The following LRRC37A2 variants were observed in gnomAD, a reference collection of about 807,000 sequenced individuals.
LRRC37A2 encodes the protein leucine-rich repeat-containing protein 37A2.
Under a neutral mutation model 68.8 loss-of-function variants are expected in LRRC37A2, and 9 were observed. The ratio of observed to expected loss-of-function variants is 0.13; its 90% CI spans 0.08 to 0.23. LRRC37A2 has a LOEUF of 0.23. Ranked by LOEUF, LRRC37A2 falls within the 10% of genes least tolerant of loss-of-function variation. LRRC37A2 has a pLI of 1.00. For missense variants in LRRC37A2, 168 were observed against 950.4 expected (o/e 0.18, Z 10.82); for synonymous variants, 63 against 367.6 (o/e 0.17, Z 9.48).
chr17:47,028,938 G>C, the LRRC37A2 span, among the ~76,000 whole-genome samples: 1 of 151,258 alleles, frequency 6.6e-6, no homozygotes. Flanking sequence ...CAGCACCTTG[G>C]GAGGCCAAGG....
At chr17:47,009,215 T>C in the LRRC37A2 span, among the ~76,000 whole-genome samples, 1 of 152,180 alleles carries the variant, frequency 6.6e-6, no homozygotes, top group Non-Finnish European at 1.5e-5. Flanking sequence ...TTCATACACA[T>C]CTAAAAAATT....
At chr17:46,534,685 T>C (rs1427080819) in intron 6 of LRRC37A2, among the ~76,000 whole-genome samples, 2 of 149,912 alleles carry the variant, frequency 1.3e-5, no homozygotes, top group East Asian at 2.0e-4. Context: ...ATCGTCATCA[T>C]GGCCCGTTCT....
the LRRC37A2 span, chr17:46,923,707 C>G: frequency 1.8e-6 from 1 of 564,764 alleles, no homozygotes; most frequent in Non-Finnish European, 2.6e-6. Context: ...AAAGAAATTG[C>G]TGTCCACGTA....
At chr17:46,832,315 C>G in the LRRC37A2 span, among the ~76,000 whole-genome samples, 1 of 151,586 alleles carries the variant, frequency 6.6e-6, no homozygotes, top group African/African-American at 2.4e-5. Flanking sequence ...GGGAACTAGC[C>G]CCAGAAGGGC....
chr17:46,943,801 G>C, the LRRC37A2 span, among the ~76,000 whole-genome samples: 6 of 152,248 alleles, frequency 3.9e-5, no homozygotes, highest in Admixed American at 3.9e-4. Context: ...GGAGAGGCAT[G>C]GGGCCCCGTG....
the LRRC37A2 span, among the ~76,000 whole-genome samples, chr17:47,008,312 C>T: frequency 1.1e-4 from 17 of 151,500 alleles, no homozygotes; most frequent in Non-Finnish European, 2.2e-4. Context: ...GGGGTTTCAC[C>T]GTGTTAGCCA....
At chr17:47,009,878 C>T in the LRRC37A2 span, among the ~76,000 whole-genome samples, 1 of 152,212 alleles carries the variant, frequency 6.6e-6, no homozygotes, top group South Asian at 2.1e-4. Context: ...AATGTTTCCT[C>T]CCTTGCACCT....
chr17:46,752,015 A>C, the LRRC37A2 span, among the ~76,000 whole-genome samples: 1 of 152,202 alleles, frequency 6.6e-6, no homozygotes. Context: ...GTTGCACCTC[A>C]AGTCAGTAAG....
At chr17:47,010,117 G>T in the LRRC37A2 span, among the ~76,000 whole-genome samples, 2 of 152,184 alleles carry the variant, frequency 1.3e-5, no homozygotes, top group African/African-American at 4.8e-5. Context: ...TGAAGGAAGG[G>T]GAAGGGTGAG....
At chr17:46,813,054 G>A in the LRRC37A2 span, among the ~76,000 whole-genome samples, 1 of 152,096 alleles carries the variant, frequency 6.6e-6, no homozygotes, top group South Asian at 2.1e-4. Context: ...GAGTGTTTGG[G>A]GCGAGGTTTG....
At chr17:46,925,086 G>A in the LRRC37A2 span, among the ~76,000 whole-genome samples, 1 of 151,302 alleles carries the variant, frequency 6.6e-6, no homozygotes, top group East Asian at 1.9e-4. Flanking sequence ...TGCTCTGTAG[G>A]CCTCCAACAA....
At chr17:46,750,844 C>CAA in the LRRC37A2 span, among the ~76,000 whole-genome samples, 10 of 115,994 alleles carry the variant, frequency 8.6e-5, no homozygotes, top group African/African-American at 2.6e-4. Flanking sequence ...TTAGAAATGT[C>CAA]AAAAAAAAAA....
chr17:46,765,151 C>T, the LRRC37A2 span, among the ~76,000 whole-genome samples: 1 of 152,352 alleles, frequency 6.6e-6, no homozygotes, highest in African/African-American at 2.4e-5. Context: ...GGGTTTGAGG[C>T]ATTCCCAGTC....
the LRRC37A2 span, among the ~76,000 whole-genome samples, chr17:46,595,553 T>C: frequency 7.6e-6 from 1 of 131,322 alleles, no homozygotes; most frequent in Non-Finnish European, 1.5e-5. Context: ...TGCAGTGGTG[T>C]TATCTTGGCC....
At chr17:46,932,316 A>AC in the LRRC37A2 span, 7 of 1,192,564 alleles carry the variant, frequency 5.9e-6, no homozygotes, top group Non-Finnish European at 7.4e-6. Context: ...TGATGAGGAA[A>AC]CCAACTGGAA....
At chr17:46,949,914 G>A in the LRRC37A2 span, among the ~76,000 whole-genome samples, 1 of 152,194 alleles carries the variant, frequency 6.6e-6, no homozygotes, top group East Asian at 1.9e-4. Flanking sequence ...GAGGCCAGAC[G>A]CGGGGTGCCT....
chr17:46,988,772 A>G, the LRRC37A2 span, among the ~76,000 whole-genome samples: 2 of 152,162 alleles, frequency 1.3e-5, no homozygotes, highest in Non-Finnish European at 2.9e-5. Context: ...GGCTGGAGAT[A>G]AAGGTTTAGA....
At chr17:46,981,499 C>T in the LRRC37A2 span, among the ~76,000 whole-genome samples, 45 of 152,150 alleles carry the variant, frequency 3.0e-4, no homozygotes, top group Non-Finnish European at 5.7e-4. Context: ...AAGGCACTCA[C>T]CAGATAGATG....
the LRRC37A2 span, among the ~76,000 whole-genome samples, chr17:47,008,601 G>A: frequency 6.6e-6 from 1 of 151,860 alleles, no homozygotes; most frequent in African/African-American, 2.4e-5. Context: ...TGGGACTACA[G>A]GCATACCACC....
Sources: allele counts gnomAD v4.1 joint callset (sites outside exome capture counted in the v4.1 genomes callset), GRCh38; gene constraint gnomAD v4.1.1; transcripts MANE v1.5; gene names NCBI Gene and HGNC (gene_info 2026-07-23, HGNC 2026-07-21).